CR2: variants seen among roughly 807,000 people sequenced by gnomAD.
CR2 encodes complement receptor type 2.
A neutral mutation model predicts 123.0 loss-of-function variants in CR2; 96 were observed. That is an observed-to-expected ratio of 0.78 (90% CI 0.66 to 0.93). The LOEUF is 0.93. Ranked by LOEUF, CR2 falls within the 40% of genes least tolerant of loss-of-function variation. The pLI, the probability that CR2 is intolerant of heterozygous loss-of-function variation, is 0.00. For missense variants in CR2, 1,258 were observed against 1,361.0 expected, an observed-to-expected ratio of 0.92 and a Z score of 1.19; for synonymous variants, 484 against 469.5, an observed-to-expected ratio of 1.03 and a Z score of -0.40.
intron 1 of CR2, among the ~76,000 whole-genome samples, chr1:207,465,420 TA>T (rs199844899): frequency 0.012 from 1,773 of 152,234 alleles, 29 homozygotes; most frequent in African/African-American, 0.037. Flanking sequence ...TATATATATA[TA>T]TAATTATCAC....
chr1:207,468,498 C>A, intron 2 of CR2, 29 bp from the exon 3 acceptor site: 2 of 1,608,332 alleles, frequency 1.2e-6, no homozygotes, highest in Admixed American at 1.7e-5. Context: ...CATCTGACGG[C>A]TTTTTTTTCC....
In CR2 at chr1:207,473,094, T is replaced by A. The variant is rs1331358695; in HGVS notation, c.1893T>A (p.Tyr631Ter). The A allele has an allele frequency of 6.2e-7, 1 of 1,613,876 alleles. No homozygotes were observed. The highest frequency in any genetic ancestry group is 1.3e-5 in the African/African-American group (1 of 74,892). The change falls in exon 10 of 20, where the codon TAT (tyrosine) becomes TAA (stop). Residue 631 changes from tyrosine to a stop codon, truncating the protein, a stop_gained. Transcript: ENST00000367057. LOFTEE classifies it high-confidence loss of function. The part of the protein sequence containing the change: ...FYNDTVTFKC[Y>*]SGFTLKGSSQ... ...ATGACACTGTGACATTCAAGTGTTA[T>A]AGTGGATTTACTTTGAAGGGCAGTA...
At chr1:207,468,974 G>T in intron 4 of CR2, 75 bp downstream of exon 4, 1 of 1,524,586 alleles carries the variant, frequency 6.6e-7, no homozygotes, top group Non-Finnish European at 9.1e-7. Context: ...GAAACCTGCA[G>T]AAGTCTCCTC....
rs200595124 is a variant in CR2 at position 207,466,843 on chromosome 1, G to A, written c.376G>A (p.Gly126Arg). 8.1e-6 allele frequency: 13 copies of A among 1,613,106 alleles called. No individual in the cohort carries two copies. In the Admixed American group the frequency reaches 8.4e-5, roughly 10 times the overall value. The change falls in exon 2 of 20, where the codon GGA (glycine) becomes AGA (arginine). Residue 126 changes from glycine to arginine, a missense_variant. Coordinates refer to ENST00000367057, the MANE Select transcript of CR2 (RefSeq NM_001006658.3). Reference protein sequence around the residue: ...FACKTNFSMNGNKSVWCQANN... With the variant: ...FACKTNFSMNRNKSVWCQANN... The stretch of plus-strand genomic sequence containing the variant: ...CTGTAAAACCAACTTCTCCATGAAC[G>A]GAAACAAGTCTGTTTGGTGTCAAGC...
In CR2 at chr1:207,469,856, G is replaced by C; in HGVS notation, c.979G>C (p.Val327Leu). 2 of 1,614,030 alleles carry C rather than the reference G, an allele frequency of 1.2e-6. No homozygotes were observed. The highest frequency in any genetic ancestry group is 1.7e-6 in the Non-Finnish European group (2 of 1,179,960). Residue 327 changes from valine (V) to leucine (L), a missense_variant, in exon 6 of 20, where the codon GTT becomes CTT. Coordinates refer to ENST00000367057, the MANE Select transcript of CR2 (RefSeq NM_001006658.3). ...TGGAGAGAGCACTCTCCGTTGTACA[G>C]TTGATAGTCAGAAGACTGGGACCTG... ...LIGESTLRCT[V>L]DSQKTGTWSG... is the part of the protein sequence containing the mutation.
At chr1:207,479,312 CTT>C in intron 17 of CR2, 32 bp downstream of exon 17, 1 of 1,531,004 alleles carries the variant, frequency 6.5e-7, no homozygotes, top group Non-Finnish European at 9.0e-7. Flanking sequence ...AAGAAAAGCT[CTT>C]ATAATATTTT....
At chr1:207,479,388 T>G (rs1179467481) in intron 17 of CR2, 108 bp downstream of exon 17, 1 of 787,778 alleles carries the variant, frequency 1.3e-6, no homozygotes, top group African/African-American at 1.7e-5. Context: ...TCATAGGGAA[T>G]GTTCTCTTTT....
intron 1 of CR2, among the ~76,000 whole-genome samples, chr1:207,464,969 C>T (rs376248357): frequency 2.6e-5 from 4 of 152,062 alleles, no homozygotes; most frequent in Admixed American, 6.6e-5. Flanking sequence ...CTCGCTCAGT[C>T]GCCCAGGCTG....
In CR2 at chr1:207,454,726, G is replaced by C. The variant is rs949155236; in HGVS notation, c.58+250G>C. On this transcript the variant is annotated intron_variant, in intron 1 of 19. Transcript: ENST00000367057. This position sits in a 1 kb window ranked among gnomAD's most constrained non-coding sequence, Gnocchi z 4.3. ...CAGAGGGGCGCTGTCTGGTCGGCCC[G>C]GTGTGGCTGGCGGCGTGCGGGTGCT... is the stretch of plus-strand genomic sequence containing the variant. 11 of 438,806 alleles carry C rather than the reference G, an allele frequency of 2.5e-5. No individual in the cohort carries two copies. The East Asian group carries it at 3.8e-4, about 15-fold the overall frequency. The allele number at this position is 438,806 out of a possible 1,614,324, so 27.2% of individuals were successfully genotyped here. A position where few individuals can be genotyped will look rare whatever the true frequency, so the allele number is the denominator to read the frequency against.
chr1:207,488,789 C>T (rs1300234966), intron 19 of CR2, among the ~76,000 whole-genome samples: 2 of 152,152 alleles, frequency 1.3e-5, no homozygotes, highest in African/African-American at 4.8e-5. Flanking sequence ...GCTGGTGAGT[C>T]CTGACAGGGG....
chr1:207,455,111 G>A (rs1485455210), intron 1 of CR2, among the ~76,000 whole-genome samples: 2 of 152,166 alleles, frequency 1.3e-5, no homozygotes, highest in African/African-American at 2.4e-5. Context: ...TGGTGTGGAC[G>A]TCCGCAAAGG....
chr1:207,469,286 C>T (rs1658196219), intron 5 of CR2, 54 bp downstream of exon 5: 3 of 1,401,908 alleles, frequency 2.1e-6, no homozygotes, highest in Non-Finnish European at 1.0e-6. Context: ...TAACTAAAAG[C>T]TTTTGGTTCA....
intron 18 of CR2, among the ~76,000 whole-genome samples, 192 bp from the exon 19 acceptor site, chr1:207,485,272 C>T (rs920290377): frequency 1.3e-5 from 2 of 152,114 alleles, no homozygotes; most frequent in African/African-American, 4.8e-5. Flanking sequence ...ACCACCGTGG[C>T]ACATGTATAC....
In CR2 at chr1:207,460,549, G is replaced by A. The variant is rs187651247; in HGVS notation, c.59-5977G>A. On this transcript the variant is annotated intron_variant, in intron 1 of 19. Coordinates refer to ENST00000367057, the MANE Select transcript of CR2 (RefSeq NM_001006658.3). ...TTAAATACACTGCTATTCTAGGAGGGCCTTACAACTGAGTACTTTCTTTTT... is the reference window on the plus strand; with the variant it reads ...TTAAATACACTGCTATTCTAGGAGGACCTTACAACTGAGTACTTTCTTTTT... Among the ~76,000 whole-genome samples, 32 of 152,222 alleles carry A rather than the reference G, an allele frequency of 2.1e-4. No individual in the cohort carries two copies. In the East Asian group the frequency reaches 6.0e-3, roughly 28 times the overall value.
intron 1 of CR2, among the ~76,000 whole-genome samples, chr1:207,458,165 G>T (rs1315986125): frequency 6.6e-6 from 1 of 150,446 alleles, no homozygotes; most frequent in Non-Finnish European, 1.5e-5. Context: ...CAAGTCAGAA[G>T]TCTAGAAGTC....
intron 2 of CR2, among the ~76,000 whole-genome samples, chr1:207,467,472 C>T (rs181358807): frequency 2.6e-5 from 4 of 152,036 alleles, no homozygotes; most frequent in Middle Eastern, 3.4e-3. Flanking sequence ...ATTATTCATT[C>T]CTTCTCTTTT....
intron 19 of CR2, 139 bp from the exon 20 acceptor site, chr1:207,489,000 AATG>A (rs1658821035): frequency 6.6e-6 from 1 of 152,252 alleles, no homozygotes; most frequent in Non-Finnish European, 1.5e-5. Context: ...CTTTCAATAG[AATG>A]ATATCTTCTA....
intron 19 of CR2, among the ~76,000 whole-genome samples, chr1:207,488,106 C>T (rs757539546): frequency 6.6e-6 from 1 of 152,208 alleles, no homozygotes; most frequent in Non-Finnish European, 1.5e-5. Flanking sequence ...TGGGGATGAA[C>T]ATTTGAAGGT....
At chr1:207,469,652 A>C (rs1340331692) in intron 5 of CR2, 43 bp from the exon 6 acceptor site, 1 of 1,586,096 alleles carries the variant, frequency 6.3e-7, no homozygotes, top group Non-Finnish European at 8.7e-7. Flanking sequence ...CTTTGTTTTC[A>C]ATACACCTAT....
Sources: gnomAD v4.1 joint callset for allele counts (sites outside exome capture counted in the v4.1 genomes callset) on GRCh38, gnomAD v4.1.1 for gene constraint, Gnocchi (gnomAD v3.1) non-coding constraint, MANE v1.5 for transcripts, NCBI Gene and HGNC (gene_info 2026-07-23, HGNC 2026-07-21) for gene names.